Variants in ZNF121 observed in about 807,000 individuals in gnomAD.
The protein encoded by ZNF121 is zinc finger protein 121 (clone ZHC32).
Under a neutral mutation model 2.4 loss-of-function variants are expected in ZNF121, and 1 was observed. The observed-to-expected ratio is 0.41, with a 90% CI of 0.15 to 1.94. ZNF121 has a LOEUF of 1.94. Ranked by LOEUF, ZNF121 falls within the 30% of genes most tolerant of loss-of-function variation. ZNF121 has a pLI of 0.30. For missense variants in ZNF121, 369 were observed against 466.3 expected (o/e 0.79, Z 1.92); for synonymous variants, 173 against 158.6 (o/e 1.09, Z -0.68).
At chr19:9,574,054 G>A (rs2074192861) in intron 1 of ZNF121, among the ~76,000 whole-genome samples, 1 of 150,644 alleles carries the variant, frequency 6.6e-6, no homozygotes, top group South Asian at 2.1e-4. Context: ...GTAGAGACGG[G>A]GCTTCACCAT....
chr19:9,565,928 CAG>C lies in ZNF121; in HGVS notation c.*10_*11del, dbSNP rs755368129. On this transcript the variant is annotated 3_prime_UTR_variant, in exon 4 of 4. Transcript: ENST00000320451. ...AAAAGATTTCCACATTCCTTACATT[CAG>C]AGTTTTTCTTCAGTGTGTTTTTAAA... The C allele has an allele frequency of 2.6e-6, 4 of 1,515,872 alleles. No homozygotes were observed. In the South Asian group the frequency reaches 3.9e-5, roughly 15 times the overall value. The allele number at this position is 1,515,872 out of a possible 1,614,324, so 93.9% of individuals were successfully genotyped here.
rs573663635 is a variant in ZNF121, at chr19:9,579,977, C to T, written c.-160+4484G>A. ...AATAGAGGGTGGGAGATTCTGGGGC[C>T]ACCATGTCTGTGGGTAAAGATATTC... On this transcript the variant is annotated intron_variant, in intron 1 of 3. Coordinates refer to ENST00000320451, the MANE Select transcript of ZNF121 (RefSeq NM_001008727.5). 2.0e-5 allele frequency among the ~76,000 whole-genome samples: 3 copies of T among 152,224 alleles called. No homozygotes were observed. In the East Asian group the frequency reaches 5.8e-4, roughly 29 times the overall value.
At position 9,565,999 on chromosome 19, in the gene ZNF121, C is replaced by G. The variant is rs142394580; in HGVS notation, c.1114G>C (p.Glu372Gln). The part of the protein sequence containing the change: ...HTGEKPYICN[E>Q]CGKAYNRFYL... ...AATCTATTGTAGGCTTTCCCACATT[C>G]GTTACATATATAGGGTTTCTCTCCA... Residue 372 changes from glutamate to glutamine, a missense_variant, in exon 4 of 4, where the codon GAA (glutamate) becomes CAA (glutamine). By Grantham distance (29) the Glu-to-Gln change is conservative. Coordinates refer to ENST00000320451, the MANE Select transcript of ZNF121 (RefSeq NM_001008727.5). 1.9e-6 allele frequency: 3 copies of G among 1,603,288 alleles called. No homozygotes were observed. Among genetic ancestry groups the G allele is most frequent in the Admixed American group, 3.5e-5 (2 of 57,582 alleles).
intron 1 of ZNF121, among the ~76,000 whole-genome samples, chr19:9,574,513 T>G (rs2074196971): frequency 6.6e-6 from 1 of 152,144 alleles, no homozygotes; most frequent in African/African-American, 2.4e-5. Flanking sequence ...AGATTTGCCA[T>G]GAGAGTACAC....
Position 9,566,341 on chromosome 19 carries a change from A to G in ZNF121, c.772T>C (p.Cys258Arg). The G allele has an allele frequency of 1.2e-6, 2 of 1,613,970 alleles. No individual in the cohort carries two copies. Among genetic ancestry groups the G allele is most frequent in the Non-Finnish European group, 1.7e-6 (2 of 1,179,996 alleles). ...KTHTEEKPFE[C>R]KVCGKSFRSS... ...CTGAAGGATTTTCCACATACCTTAC[A>G]TTCAAAGGGCTTCTCCTCTGTGTGA... Residue 258 changes from cysteine (C) to arginine (R), a missense_variant, in exon 4 of 4, where the codon TGT becomes CGT. Physicochemically the swap from Cys to Arg is radical, Grantham distance 180. This residue lies in a region of ZNF121 where 127 missense variants were observed against 169.9 expected (regional missense o/e 0.75). Coordinates refer to ENST00000320451, the MANE Select transcript of ZNF121 (RefSeq NM_001008727.5).
At chr19:9,583,489 CTTT>C (rs1185311747) in intron 1 of ZNF121, among the ~76,000 whole-genome samples, 3 of 56,386 alleles carry the variant, frequency 5.3e-5, no homozygotes, top group African/African-American at 2.1e-4. Context: ...CCAAGCCTGG[CTTT>C]TTTTTTTTTT....
intron 1 of ZNF121, chr19:9,584,194 CT>C (rs1276749354): frequency 6.6e-6 from 1 of 152,206 alleles, no homozygotes; most frequent in Non-Finnish European, 1.5e-5. Flanking sequence ...ACAAAGGTTG[CT>C]TTCCAAGCTT....
Position 9,564,504 on chromosome 19 carries a change from G to A in ZNF121, c.*1436C>T, listed in dbSNP as rs1389080552. The A allele has an allele frequency of 1.3e-5, 2 of 152,214 alleles. No homozygotes were observed. The highest frequency in any genetic ancestry group is 3.9e-4 in the East Asian group (2 of 5,186). The allele number at this position is 152,214 out of a possible 1,614,324, so 9.4% of individuals were successfully genotyped here. A position where few individuals can be genotyped will look rare whatever the true frequency, so the allele number is the denominator to read the frequency against. On this transcript the variant is annotated 3_prime_UTR_variant, in exon 4 of 4. Transcript: ENST00000320451. ...TTCAGTGGAAAAAGTAACTGTGGAT[G>A]TGATGGAAAAAAGAGAACTAGAATT...
At position 9,566,120 on chromosome 19, in the gene ZNF121, T is replaced by C. The variant is rs1250999346; in HGVS notation, c.993A>G (p.Ile331Met). ...FATSSQLIEH[I>M]RTHTGEKPYI... The stretch of plus-strand genomic sequence containing the variant: ...ACGGTTTCTCTCCAGTGTGAGTTCT[T>C]ATATGTTCAATGAGTTGTGAAGATG... The change falls in exon 4 of 4, where the codon ATA becomes ATG. Residue 331 changes from isoleucine to methionine, a missense_variant. Ile to Met is a conservative substitution (Grantham distance 10, BLOSUM62 1). Coordinates refer to ENST00000320451, the MANE Select transcript of ZNF121 (RefSeq NM_001008727.5). The C allele has an allele frequency of 2.5e-6, 4 of 1,614,078 alleles. No individual in the cohort carries two copies. The highest frequency in any genetic ancestry group is 3.4e-6 in the Non-Finnish European group (4 of 1,179,976).
Position 9,562,002 on chromosome 19 carries a change from A to T in ZNF121, c.*3938T>A, listed in dbSNP as rs190805171. 6.6e-6 allele frequency: 1 copy of T among 152,060 alleles called. No homozygotes were observed. Among genetic ancestry groups the T allele is most frequent in the Non-Finnish European group, 1.5e-5 (1 of 68,022 alleles). 9.4% of individuals were successfully genotyped at this position (152,060 alleles called of 1,614,324 possible). On this transcript the variant is annotated 3_prime_UTR_variant, in exon 4 of 4. Coordinates refer to ENST00000320451, the MANE Select transcript of ZNF121 (RefSeq NM_001008727.5). The stretch of plus-strand genomic sequence containing the variant: ...CTTTGCTTCATCTCACTTTACAGAT[A>T]TTTTTCACAAGTAGAAGTCCTGTGG...
intron 1 of ZNF121, among the ~76,000 whole-genome samples, chr19:9,581,680 A>G (rs997029811): frequency 2.0e-5 from 3 of 152,206 alleles, no homozygotes; most frequent in Non-Finnish European, 4.4e-5. Context: ...TACAATAATA[A>G]CTGTTCTAGG....
rs995953976 is a variant in ZNF121 at position 9,565,664 on chromosome 19, T to C, written c.*276A>G. On this transcript the variant is annotated 3_prime_UTR_variant, in exon 4 of 4. Coordinates refer to ENST00000320451, the MANE Select transcript of ZNF121 (RefSeq NM_001008727.5). The stretch of plus-strand genomic sequence containing the variant: ...CTGTGTGATGACAACAGCAAAACTC[T>C]GTCTCAAATAAAATAAAATAAAATA... 1 of 127,842 alleles carries C rather than the reference T, an allele frequency of 7.8e-6. No homozygotes were observed. The highest frequency in any genetic ancestry group is 1.7e-5 in the Non-Finnish European group (1 of 59,028). The allele number at this position is 127,842 out of a possible 1,614,324, so 7.9% of individuals were successfully genotyped here.
intron 1 of ZNF121, among the ~76,000 whole-genome samples, chr19:9,575,380 G>A (rs1159661699): frequency 6.6e-6 from 1 of 151,906 alleles, no homozygotes. Context: ...CCGATATTGT[G>A]CCACTGTACT....
At chr19:9,572,375 T>C (rs926979665) in intron 1 of ZNF121, among the ~76,000 whole-genome samples, 1 of 152,162 alleles carries the variant, frequency 6.6e-6, no homozygotes, top group Middle Eastern at 3.2e-3. Context: ...TTCTCCATCA[T>C]CCTGGGTTCC....
chr19:9,575,464 C>A (rs1468056932), intron 1 of ZNF121, among the ~76,000 whole-genome samples: 2 of 151,344 alleles, frequency 1.3e-5, no homozygotes, highest in African/African-American at 4.9e-5. Context: ...GTCTCTATAG[C>A]TGGGAGTAGT....
intron 1 of ZNF121, among the ~76,000 whole-genome samples, chr19:9,582,905 T>A (rs1435259123): frequency 2.0e-5 from 3 of 151,186 alleles, no homozygotes; most frequent in Non-Finnish European, 2.9e-5. Flanking sequence ...AATACTAGAA[T>A]AATATTCTGA....
chr19:9,574,023 CTTTCTTTTT>C (rs990873627), intron 1 of ZNF121, among the ~76,000 whole-genome samples: 6 of 140,804 alleles, frequency 4.3e-5, no homozygotes, highest in African/African-American at 1.5e-4. Context: ...ATTTTTCTTT[CTTTCTTTTT>C]TTTTTTTTTT....
Position 9,562,901 on chromosome 19 carries a change from A to AT in ZNF121, c.*3038_*3039insA, listed in dbSNP as rs1190867004. On this transcript the variant is annotated 3_prime_UTR_variant, in exon 4 of 4. Coordinates refer to ENST00000320451, the MANE Select transcript of ZNF121 (RefSeq NM_001008727.5). ...CCTGCCTCTTTAAAAAAAAAAAAAAAAAAAAAAAAAAATTAGCTGGCCATG... is the reference window on the plus strand; with the variant it reads ...CCTGCCTCTTTAAAAAAAAAAAAAAATAAAAAAAAAAAATTAGCTGGCCATG... The AT allele has an allele frequency of 6.6e-6, 1 of 150,456 alleles. No homozygotes were observed. Among genetic ancestry groups the AT allele is most frequent in the Admixed American group, 6.6e-5 (1 of 15,088 alleles). The allele number at this position is 150,456 out of a possible 1,614,324, so 9.3% of individuals were successfully genotyped here. A position where few individuals can be genotyped will look rare whatever the true frequency, so the allele number is the denominator to read the frequency against.
At chr19:9,572,418 C>T (rs1392906351) in intron 1 of ZNF121, among the ~76,000 whole-genome samples, 1 of 152,148 alleles carries the variant, frequency 6.6e-6, no homozygotes, top group Non-Finnish European at 1.5e-5. Context: ...CTGTCTCAAC[C>T]CACAGGAAGC....
Sources: allele counts gnomAD v4.1 joint callset (sites outside exome capture counted in the v4.1 genomes callset), GRCh38; gene constraint gnomAD v4.1.1; regional missense constraint gnomAD v4.1.1; transcripts MANE v1.5; gene names NCBI Gene and HGNC (gene_info 2026-07-23, HGNC 2026-07-21).